ELAC2: variants seen among roughly 807,000 people sequenced by gnomAD.
The protein encoded by ELAC2 is elaC ribonuclease Z 2, also known as zinc phosphodiesterase ELAC protein 2.
Under a neutral mutation model 105.2 loss-of-function variants are expected in ELAC2, and 92 were observed. That is an observed-to-expected ratio of 0.87 (90% confidence interval 0.74 to 1.04). The LOEUF (loss-of-function observed/expected upper bound fraction) is 1.04, where lower values mean the gene tolerates loss of function less well. Ranked by LOEUF, ELAC2 falls within the 50% of genes least tolerant of loss-of-function variation. The pLI is 0.00. For missense variants in ELAC2, 1,099 were observed against 1,071.7 expected (o/e 1.03, Z -0.36); for synonymous variants, 468 against 409.1 (o/e 1.14, Z -1.74).
At chr17:13,011,911 A>AAC in intron 6 of ELAC2, 129 bp from the exon 7 acceptor site, 2 of 1,418,286 alleles carry the variant, frequency 1.4e-6, no homozygotes, top group Non-Finnish European at 1.9e-6. Flanking sequence ...ACAGTAGGAA[A>AAC]TAACTAGTTA....
At chr17:13,004,394 C>A (rs1233703522) in intron 11 of ELAC2, among the ~76,000 whole-genome samples, 2 of 152,062 alleles carry the variant, frequency 1.3e-5, no homozygotes, top group African/African-American at 4.8e-5. Context: ...AAACTAGGAA[C>A]AGGAAAAATA....
intron 8 of ELAC2, chr17:13,006,214 T>C (rs1489213955): frequency 6.0e-6 from 3 of 501,642 alleles, no homozygotes; most frequent in Non-Finnish European, 1.1e-5. Context: ...CTACTAAAAA[T>C]ACAAAATTGG....
In ELAC2 at chr17:12,992,744, C is replaced by A; in HGVS notation, c.*74G>T. 1 of 1,566,796 alleles carries A rather than the reference C, an allele frequency of 6.4e-7. No homozygotes were observed. Among genetic ancestry groups the A allele is most frequent in the Admixed American group, 1.7e-5 (1 of 59,558 alleles). On this transcript the variant is annotated 3_prime_UTR_variant, in exon 24 of 24. Coordinates refer to ENST00000338034, the MANE Select transcript of ELAC2 (RefSeq NM_018127.7). ...GACCGTGCTCTTCAGCTTCTACCAG[C>A]AAGGAGGGCAGATACGGGTGCGTGC... is the stretch of plus-strand genomic sequence containing the variant.
In ELAC2 at chr17:13,018,002, C is replaced by T. The variant is rs945977745; in HGVS notation, c.-55G>A. 5.2e-6 allele frequency: 8 copies of T among 1,533,410 alleles called. No individual in the cohort carries two copies. In the African/African-American group the frequency reaches 9.6e-5, roughly 18 times the overall value. The allele number at this position is 1,533,410 out of a possible 1,614,324, so 95.0% of individuals were successfully genotyped here. A position where few individuals can be genotyped will look rare whatever the true frequency, so the allele number is the denominator to read the frequency against. ...CGCCGGTCACCTACGCCCGCGTTTC[C>T]CGTGCACCACCTAGCCGCTCCGCAT... On this transcript the variant is annotated 5_prime_UTR_variant, in exon 1 of 24. Coordinates refer to ENST00000338034, the MANE Select transcript of ELAC2 (RefSeq NM_018127.7).
chr17:13,010,996 T>C (rs1256813959), intron 7 of ELAC2, among the ~76,000 whole-genome samples: 1 of 152,136 alleles, frequency 6.6e-6, no homozygotes, highest in African/African-American at 2.4e-5. Flanking sequence ...ATAACACATA[T>C]AATATATGAA....
In ELAC2 at chr17:12,992,070, G is replaced by GAAGA. The variant is rs2040198592; in HGVS notation, c.*744_*747dup. Among the ~76,000 whole-genome samples, 1 of 152,170 alleles carries GAAGA rather than the reference G, an allele frequency of 6.6e-6. No individual in the cohort carries two copies. The highest frequency in any genetic ancestry group is 1.5e-5 in the Non-Finnish European group (1 of 68,034). ...TCTCCACTTTTACCCAGAACCACCA[G>GAAGA]AAGACTTGCATTTCCCTGACCAATG... On this transcript the variant is annotated 3_prime_UTR_variant, in exon 24 of 24. Transcript: ENST00000338034.
At position 13,000,291 on chromosome 17, in the gene ELAC2, A is replaced by G; in HGVS notation, c.1305-17T>C. On this transcript the variant is annotated splice_polypyrimidine_tract_variant and intron_variant, in intron 14 of 23. Coordinates refer to ENST00000338034, the MANE Select transcript of ELAC2 (RefSeq NM_018127.7). The stretch of plus-strand genomic sequence containing the variant: ...ATGGCATCCCTGCAGGAAGAGAGAG[A>G]AGCATCTCAGGTGACGGACAGGGTA... The G allele has an allele frequency of 1.2e-6, 2 of 1,611,322 alleles. No homozygotes were observed. Among genetic ancestry groups the G allele is most frequent in the South Asian group, 2.2e-5 (2 of 91,030 alleles).
chr17:13,017,623 A>G, intron 1 of ELAC2, 80 bp downstream of exon 1: 1 of 1,603,042 alleles, frequency 6.2e-7, no homozygotes. Flanking sequence ...GGGAAGCCGA[A>G]GCCCTGGGAG....
intron 4 of ELAC2, 58 bp from the exon 5 acceptor site, chr17:13,014,554 T>C (rs1293971953): frequency 1.6e-6 from 2 of 1,244,626 alleles, no homozygotes; most frequent in Non-Finnish European, 2.4e-6. Flanking sequence ...ACACAGCAAC[T>C]ATTCAAGTAT....
chr17:13,002,864 A>C (rs1192634025), intron 12 of ELAC2: 1 of 487,682 alleles, frequency 2.1e-6, no homozygotes. Flanking sequence ...ACCCTGAGGA[A>C]TGAAAGAGAC....
In ELAC2 at chr17:13,000,210, G is replaced by A. The variant is rs2040708861; in HGVS notation, c.1369C>T (p.Gln457Ter). The A allele has an allele frequency of 1.9e-6, 3 of 1,614,126 alleles. No individual in the cohort carries two copies. The highest frequency in any genetic ancestry group is 2.5e-6 in the Non-Finnish European group (3 of 1,180,040). ...CTCCTGTACTCCTGCACGCTCTGCT[G>A]GAAGTTGGGAAGCTGCAGCGCCTCA... ...IVEALQLPNF[Q>*]QSVQEYRRSA... The change falls in exon 15 of 24, where the codon CAG becomes TAG. Residue 457 changes from glutamine to a stop codon, truncating the protein, a stop_gained. Coordinates refer to ENST00000338034, the MANE Select transcript of ELAC2 (RefSeq NM_018127.7). LOFTEE classifies it high-confidence loss of function.
chr17:12,997,847 G>A (rs2040553226), intron 16 of ELAC2, among the ~76,000 whole-genome samples: 1 of 152,160 alleles, frequency 6.6e-6, no homozygotes, highest in South Asian at 2.1e-4. Flanking sequence ...TCTCTCTGCT[G>A]ATGACCCCAG....
rs779111320 is a variant in ELAC2 at position 13,011,683 on chromosome 17, T to C, written c.659A>G (p.Asn220Ser). ...ERSSDSESNE[N>S]EPHLPHGVSQ... is the part of the protein sequence containing the mutation. ...ATTACCATGTGGAAGGTGTGGCTCA[T>C]TTTCATTCGACTCGGAGTCTGAAGA... Residue 220 changes from asparagine (N) to serine (S), a missense_variant, in exon 7 of 24, where the codon AAT (asparagine) becomes AGT (serine). Asn to Ser is a conservative substitution (Grantham distance 46). Coordinates refer to ENST00000338034, the MANE Select transcript of ELAC2 (RefSeq NM_018127.7). 11 of 1,614,060 alleles carry C rather than the reference T, an allele frequency of 6.8e-6. No individual in the cohort carries two copies. The highest frequency in any genetic ancestry group is 9.3e-6 in the Non-Finnish European group (11 of 1,180,040).
intron 8 of ELAC2, among the ~76,000 whole-genome samples, chr17:13,007,169 C>A (rs1229496197): frequency 1.3e-5 from 2 of 149,118 alleles, no homozygotes; most frequent in African/African-American, 4.9e-5. Flanking sequence ...GAAAGGCAAA[C>A]AATAATTCTA....
Position 12,994,926 on chromosome 17 carries a change from A to G in ELAC2, c.1908+37T>C, listed in dbSNP as rs773515788. On this transcript the variant is annotated intron_variant, in intron 20 of 23. Transcript: ENST00000338034. ...GGAGGGCTCTGCAGCTCTGCTCCCCACCTCGCCCCCATGATGCCTGCGGCT... is the reference window on the plus strand; with the variant it reads ...GGAGGGCTCTGCAGCTCTGCTCCCCGCCTCGCCCCCATGATGCCTGCGGCT... The G allele has an allele frequency of 2.1e-5, 34 of 1,613,808 alleles. No homozygotes were observed. In the East Asian group the frequency reaches 4.9e-4, roughly 23 times the overall value.
intron 3 of ELAC2, 24 bp from the exon 4 acceptor site, chr17:13,015,856 A>C: frequency 1.3e-6 from 2 of 1,597,990 alleles, no homozygotes; most frequent in South Asian, 1.1e-5. Flanking sequence ...ATAAAATCAG[A>C]TCTCTCATCA....
intron 16 of ELAC2, among the ~76,000 whole-genome samples, chr17:12,996,932 G>A (rs2040506683): frequency 6.8e-6 from 1 of 146,624 alleles, no homozygotes; most frequent in Non-Finnish European, 1.5e-5. Context: ...CTTACACAAA[G>A]GCTGGGCATC....
At chr17:13,011,541 A>G (rs2084259891) in intron 7 of ELAC2, 122 bp downstream of exon 7, 1 of 1,523,478 alleles carries the variant, frequency 6.6e-7, no homozygotes, top group African/African-American at 1.4e-5. Flanking sequence ...TAGTAAGCCC[A>G]GGAAGAAGGA....
chr17:12,994,413 G>A lies in ELAC2; in HGVS notation c.2108+12C>T, dbSNP rs757853122. ...AGGATGTGGGCGACAAGGACTGACC[G>A]GCCTTTGCTACCTGTGTGTCTTTTC... On this transcript the variant is annotated intron_variant, in intron 22 of 23. Coordinates refer to ENST00000338034, the MANE Select transcript of ELAC2 (RefSeq NM_018127.7). 2.7e-5 allele frequency: 44 copies of A among 1,614,048 alleles called. No homozygotes were observed. The highest frequency in any genetic ancestry group is 4.5e-5 in the East Asian group (2 of 44,880).
Sources: allele counts gnomAD v4.1 joint callset (sites outside exome capture counted in the v4.1 genomes callset), GRCh38; gene constraint gnomAD v4.1.1; transcripts MANE v1.5; gene names NCBI Gene and HGNC (gene_info 2026-07-23, HGNC 2026-07-21).